MGAT5: variants seen among roughly 807,000 people sequenced by gnomAD.
The protein encoded by MGAT5 is alpha-1,6-mannosylglycoprotein 6-beta-N-acetylglucosaminyltransferase.
A neutral mutation model predicts 94.3 loss-of-function variants in MGAT5; 30 were observed. The ratio of observed to expected loss-of-function variants is 0.32; its 90% CI spans 0.24 to 0.43. MGAT5 has a LOEUF of 0.43. Ranked by LOEUF, MGAT5 falls within the 20% of genes least tolerant of loss-of-function variation. MGAT5 has a pLI of 1.00. For synonymous variants in MGAT5, 310 were observed against 322.9 expected (o/e 0.96, Z 0.43); for missense variants, 691 against 905.5 (o/e 0.76, Z 3.04).
chr2:134,167,763 T>C (rs1469986792), intron 1 of MGAT5, among the ~76,000 whole-genome samples: 2 of 152,226 alleles, frequency 1.3e-5, no homozygotes, highest in Admixed American at 6.5e-5. Context: ...CAAACCTACA[T>C]AAGTGGTCTC....
At chr2:134,271,844 T>C (rs568931466) in intron 2 of MGAT5, among the ~76,000 whole-genome samples, 5 of 152,326 alleles carry the variant, frequency 3.3e-5, no homozygotes, top group South Asian at 4.1e-4. Flanking sequence ...TGTGTTTAGC[T>C]GCTTTTTAAT....
intron 8 of MGAT5, among the ~76,000 whole-genome samples, chr2:134,346,514 C>G (rs1688932128): frequency 1.3e-5 from 2 of 152,030 alleles, no homozygotes; most frequent in African/African-American, 4.8e-5. Flanking sequence ...TACTCAGATC[C>G]TCTTGGAAGT....
intron 15 of MGAT5, among the ~76,000 whole-genome samples, chr2:134,446,872 C>T (rs535407038): frequency 6.6e-6 from 1 of 152,266 alleles, no homozygotes; most frequent in South Asian, 2.1e-4. Flanking sequence ...GTTCCAGAAG[C>T]AGTTGGGGCT....
At position 134,151,295 on chromosome 2, in the gene MGAT5, C is replaced by A. The variant is rs1341494399; in HGVS notation, c.-143+31004C>A. ...TCACTCACTCATGCCCTGTGGGACC[C>A]ACTCACTGCCATGGGACCTCACTCA... On this transcript the variant is annotated intron_variant, in intron 1 of 16. Coordinates refer to the MGAT5 transcript ENST00000409645. Among the ~76,000 whole-genome samples, 39 of 145,656 alleles carry A rather than the reference C, an allele frequency of 2.7e-4. 1 individual carries two copies. The highest frequency in any genetic ancestry group is 1.0e-3 in the African/African-American group (39 of 38,900).
chr2:134,313,945 A>C lies in MGAT5; in HGVS notation c.407-3584A>C, dbSNP rs577919184. Reference sequence around the variant, plus strand: ...GGCTCAAAGTTTTGTTTCTTAACCAAACTTAAATGAGAGACATTTCCACAG... The same window carrying C: ...GGCTCAAAGTTTTGTTTCTTAACCACACTTAAATGAGAGACATTTCCACAG... On this transcript the variant is annotated intron_variant, in intron 2 of 15. Transcript: ENST00000281923. Among the ~76,000 whole-genome samples the C allele has an allele frequency of 7.2e-5, 11 of 152,306 alleles. No homozygotes were observed. In the East Asian group the frequency reaches 7.7e-4, roughly 11 times the overall value.
chr2:134,259,261 G>A (rs2105547571), intron 1 of MGAT5, among the ~76,000 whole-genome samples: 1 of 152,290 alleles, frequency 6.6e-6, no homozygotes, highest in Admixed American at 6.5e-5. Context: ...AGCCAGTGTG[G>A]CAGGGGCCAT....
chr2:134,391,549 G>A (rs552383652), intron 10 of MGAT5, among the ~76,000 whole-genome samples: 1 of 152,282 alleles, frequency 6.6e-6, no homozygotes, highest in South Asian at 2.1e-4. Flanking sequence ...CTTACCTGGT[G>A]GAAAGAGTGA....
At chr2:134,134,780 A>G (rs766042442) in intron 1 of MGAT5, among the ~76,000 whole-genome samples, 1 of 152,218 alleles carries the variant, frequency 6.6e-6, no homozygotes, top group Non-Finnish European at 1.5e-5. Flanking sequence ...AACATCTGTA[A>G]TGGGTAGCAC....
intron 1 of MGAT5, among the ~76,000 whole-genome samples, chr2:134,197,668 C>T (rs1455340310): frequency 6.6e-6 from 1 of 152,202 alleles, no homozygotes; most frequent in East Asian, 1.9e-4. Context: ...GGAACATGTT[C>T]AGCTGCTGTA....
At chr2:134,125,937 T>C (rs1685818889) in intron 1 of MGAT5, among the ~76,000 whole-genome samples, 1 of 152,250 alleles carries the variant, frequency 6.6e-6, no homozygotes, top group Admixed American at 6.5e-5. Context: ...TCCTGGCTCC[T>C]CTCAGCATTG....
At chr2:134,238,777 G>C (rs4954121) in intron 1 of MGAT5, among the ~76,000 whole-genome samples, 88,232 of 151,788 alleles carry the variant, frequency 0.58, 29,084 homozygotes, top group Non-Finnish European at 0.74. Flanking sequence ...AACCCTGTCT[G>C]TACTAAAAAT....
intron 2 of MGAT5, among the ~76,000 whole-genome samples, chr2:134,273,020 TGCGCGC>T (rs756429675): frequency 2.8e-4 from 42 of 149,718 alleles, no homozygotes; most frequent in East Asian, 1.7e-3. Flanking sequence ...TGTGTGTGTG[TGCGCGC>T]GCGCGTGCGC....
At chr2:134,125,674 G>A (rs1685808365) in intron 1 of MGAT5, among the ~76,000 whole-genome samples, 1 of 152,210 alleles carries the variant, frequency 6.6e-6, no homozygotes, top group South Asian at 2.1e-4. Context: ...GAGAATTGAT[G>A]GCCACTGGGC....
chr2:134,336,164 TATTA>T (rs1688320086), intron 4 of MGAT5, 49 bp from the exon 5 acceptor site: 1 of 1,441,382 alleles, frequency 6.9e-7, no homozygotes, highest in South Asian at 1.2e-5. Flanking sequence ...TTTTTATGTA[TATTA>T]ATTCATTATA....
intron 2 of MGAT5, among the ~76,000 whole-genome samples, chr2:134,282,217 G>A (rs1684739719): frequency 6.6e-6 from 1 of 152,238 alleles, no homozygotes; most frequent in Non-Finnish European, 1.5e-5. Flanking sequence ...CACATGGGGA[G>A]GATGGTTGCT....
intron 4 of MGAT5, among the ~76,000 whole-genome samples, chr2:134,335,077 A>G (rs958598187): frequency 2.0e-5 from 3 of 152,136 alleles, no homozygotes; most frequent in African/African-American, 7.2e-5. Context: ...CAGGCCAATT[A>G]CTTTGGTTAT....
intron 2 of MGAT5, among the ~76,000 whole-genome samples, chr2:134,297,101 G>A (rs1685718808): frequency 6.6e-6 from 1 of 151,160 alleles, no homozygotes; most frequent in South Asian, 2.1e-4. Flanking sequence ...GGAGGCTGAG[G>A]TGGGAGAATC....
intron 2 of MGAT5, among the ~76,000 whole-genome samples, chr2:134,284,866 C>T (rs1365976129): frequency 2.0e-5 from 3 of 152,102 alleles, no homozygotes; most frequent in African/African-American, 4.8e-5. Flanking sequence ...TCACGTGTGG[C>T]ATTTTTAAAG....
intron 10 of MGAT5, among the ~76,000 whole-genome samples, chr2:134,387,159 G>T (rs551191177): frequency 1.3e-5 from 2 of 151,446 alleles, no homozygotes; most frequent in Admixed American, 6.6e-5. Context: ...TACTCGGGAG[G>T]CTGAGGCAGG....
Sources: gnomAD v4.1 joint callset for allele counts (sites outside exome capture counted in the v4.1 genomes callset) on GRCh38, gnomAD v4.1.1 for gene constraint, MANE v1.5 for transcripts, NCBI Gene and HGNC (gene_info 2026-07-23, HGNC 2026-07-21) for gene names.